The following COL19A1 variants were observed in gnomAD, a reference collection of about 807,000 sequenced individuals.
The protein encoded by COL19A1 is collagen type XIX alpha 1 chain.
A neutral mutation model predicts 190.2 loss-of-function variants in COL19A1; 159 were observed. The ratio of observed to expected loss-of-function variants is 0.84; its 90% confidence interval spans 0.73 to 0.95. The LOEUF (loss-of-function observed/expected upper bound fraction) is 0.95. COL19A1 is among the 40% of genes least tolerant of loss of function. The pLI is 0.00. For missense variants in COL19A1, 1,418 were observed against 1,431.9 expected, an observed-to-expected ratio of 0.99 and a Z score of 0.16; for synonymous variants, 509 against 458.9, an observed-to-expected ratio of 1.11 and a Z score of -1.39.
intron 14 of COL19A1, among the ~76,000 whole-genome samples, chr6:70,050,029 T>C (rs1332132776): frequency 3.3e-5 from 5 of 152,076 alleles, no homozygotes; most frequent in Non-Finnish European, 7.4e-5. Flanking sequence ...GCAGCTTAGC[T>C]CAGGAATTAT....
At chr6:70,071,789 A>G (rs1202675758) in intron 15 of COL19A1, among the ~76,000 whole-genome samples, 1 of 152,118 alleles carries the variant, frequency 6.6e-6, no homozygotes, top group Non-Finnish European at 1.5e-5. Context: ...GGTTTAATCC[A>G]TCATGAGGCA....
At position 70,176,527 on chromosome 6, in the gene COL19A1, G is replaced by T. The variant is rs375472577; in HGVS notation, c.2630G>T (p.Arg877Leu). Residue 877 changes from arginine to leucine, a missense_variant, in exon 42 of 51, where the codon CGA becomes CTA. Arg to Leu is a moderately radical substitution (Grantham distance 102). Transcript: ENST00000620364. ...GTTTTTAAATCCCAACAGGGAGATC[G>T]AGGCCCAGCAGGTCCCCCAGGAATA... ...LEGFPGVKGD[R>L]GPAGPPGIAG... The T allele has an allele frequency of 6.2e-7, 1 of 1,613,500 alleles. No individual in the cohort carries two copies. The highest frequency in any genetic ancestry group is 1.7e-5 in the Admixed American group (1 of 59,964).
intron 9 of COL19A1, among the ~76,000 whole-genome samples, chr6:69,943,472 A>G (rs79728839): frequency 1.3e-5 from 2 of 152,226 alleles, no homozygotes; most frequent in Non-Finnish European, 2.9e-5. Context: ...TAGCCACAAA[A>G]TCTTTGCCTA....
chr6:70,019,099 G>A (rs982439378), intron 11 of COL19A1, among the ~76,000 whole-genome samples: 1 of 152,130 alleles, frequency 6.6e-6, no homozygotes, highest in Non-Finnish European at 1.5e-5. Context: ...TATGGTAGAA[G>A]ATGAAATTGA....
intron 14 of COL19A1, among the ~76,000 whole-genome samples, chr6:70,067,753 GT>G (rs889182371): frequency 6.6e-6 from 1 of 151,844 alleles, no homozygotes; most frequent in East Asian, 1.9e-4. Flanking sequence ...AACTGCTGAA[GT>G]TTTTTTTGAA....
At chr6:69,919,033 C>CA (rs1234536495) in intron 4 of COL19A1, among the ~76,000 whole-genome samples, 1 of 152,224 alleles carries the variant, frequency 6.6e-6, no homozygotes, top group African/African-American at 2.4e-5. Context: ...TTGCATCTCA[C>CA]ATCCCCTCCT....
intron 7 of COL19A1, among the ~76,000 whole-genome samples, chr6:69,934,468 T>C (rs1772976640): frequency 6.6e-6 from 1 of 151,978 alleles, no homozygotes; most frequent in Admixed American, 6.6e-5. Flanking sequence ...GAATATTATA[T>C]AATTAGCCAG....
At chr6:70,093,244 A>G (rs1049299250) in intron 15 of COL19A1, among the ~76,000 whole-genome samples, 18 of 152,226 alleles carry the variant, frequency 1.2e-4, no homozygotes, top group African/African-American at 4.3e-4. Context: ...TGAACATCCA[A>G]ATATGGAGGA....
intron 31 of COL19A1, among the ~76,000 whole-genome samples, chr6:70,152,797 G>A (rs372817336): frequency 6.6e-6 from 1 of 152,114 alleles, no homozygotes; most frequent in East Asian, 1.9e-4. Context: ...GCTGGAAATA[G>A]CAGGATTGCC....
At chr6:70,151,324 T>C (rs1442241905) in intron 30 of COL19A1, 73 bp from the exon 31 acceptor site, 10 of 1,454,846 alleles carry the variant, frequency 6.9e-6, no homozygotes, top group Non-Finnish European at 9.6e-6. Flanking sequence ...AATGTCTACA[T>C]TATACTGTAT....
At chr6:70,135,162 C>G (rs1000278573) in intron 18 of COL19A1, among the ~76,000 whole-genome samples, 1 of 152,148 alleles carries the variant, frequency 6.6e-6, no homozygotes, top group Admixed American at 6.5e-5. Flanking sequence ...GGAAGGGGTG[C>G]CAAGGTTCCA....
intron 12 of COL19A1, among the ~76,000 whole-genome samples, chr6:70,026,708 A>G (rs1317143924): frequency 6.6e-6 from 1 of 152,196 alleles, no homozygotes; most frequent in African/African-American, 2.4e-5. Flanking sequence ...ATATTGTGTT[A>G]TAGTTCATAA....
At chr6:69,903,481 C>G (rs1387201629) in intron 4 of COL19A1, among the ~76,000 whole-genome samples, 2 of 152,174 alleles carry the variant, frequency 1.3e-5, no homozygotes, top group African/African-American at 4.8e-5. Context: ...ATGAATGTAC[C>G]TACCACACTG....
At chr6:70,149,129 C>A (rs905537512) in intron 27 of COL19A1, among the ~76,000 whole-genome samples, 1 of 152,084 alleles carries the variant, frequency 6.6e-6, no homozygotes, top group Non-Finnish European at 1.5e-5. Context: ...TCTTGACTTA[C>A]TTAGGTGAAC....
At chr6:70,072,278 C>A (rs1435285175) in intron 15 of COL19A1, among the ~76,000 whole-genome samples, 2 of 152,128 alleles carry the variant, frequency 1.3e-5, no homozygotes, top group Admixed American at 1.3e-4. Flanking sequence ...TTTATGTAAC[C>A]TTGAATTTTC....
At chr6:70,109,087 G>T (rs1784133388) in intron 16 of COL19A1, among the ~76,000 whole-genome samples, 2 of 152,068 alleles carry the variant, frequency 1.3e-5, no homozygotes, top group South Asian at 4.1e-4. Flanking sequence ...ATAACTTACT[G>T]TCTGTGGTGA....
At chr6:70,043,193 C>CA (rs1018489275) in intron 14 of COL19A1, among the ~76,000 whole-genome samples, 2 of 145,320 alleles carry the variant, frequency 1.4e-5, no homozygotes, top group Non-Finnish European at 3.0e-5. Context: ...ATTTCTTCTT[C>CA]TTTTTTTTTT....
intron 4 of COL19A1, among the ~76,000 whole-genome samples, chr6:69,926,939 A>G (rs568994117): frequency 7.9e-5 from 12 of 152,266 alleles, no homozygotes; most frequent in African/African-American, 2.9e-4. Flanking sequence ...ATCAGAAACC[A>G]TGGAGACCAG....
intron 9 of COL19A1, among the ~76,000 whole-genome samples, chr6:69,953,168 A>C (rs990060796): frequency 6.6e-6 from 1 of 152,072 alleles, no homozygotes. Flanking sequence ...TATCAATGGA[A>C]TACTTCCTGC....
Sources: allele counts gnomAD v4.1 joint callset (sites outside exome capture counted in the v4.1 genomes callset), GRCh38; gene constraint gnomAD v4.1.1; transcripts MANE v1.5; gene names NCBI Gene and HGNC (gene_info 2026-07-23, HGNC 2026-07-21).